Variants in SLC1A4 observed in about 807,000 individuals in gnomAD.
The protein encoded by SLC1A4 is neutral amino acid transporter A.
A neutral mutation model predicts 37.7 loss-of-function variants in SLC1A4; 19 were observed. The observed-to-expected ratio is 0.50, with a 90% confidence interval of 0.35 to 0.74. The LOEUF (loss-of-function observed/expected upper bound fraction) is 0.74, where lower values mean the gene tolerates loss of function less well. SLC1A4 is among the 30% of genes least tolerant of loss of function. SLC1A4 has a pLI of 0.01. For missense variants in SLC1A4, 570 were observed against 712.9 expected, an observed-to-expected ratio of 0.80 and a Z score of 2.28; for synonymous variants, 299 against 309.8, an observed-to-expected ratio of 0.97 and a Z score of 0.37.
rs1383977281 is a variant in SLC1A4, at chr2:65,022,073, T to C, written c.*927T>C. The C allele has an allele frequency of 2.0e-5, 3 of 152,288 alleles. No homozygotes were observed. The highest frequency in any genetic ancestry group is 6.5e-5 in the Admixed American group (1 of 15,292). 9.4% of individuals were successfully genotyped at this position (152,288 alleles called of 1,614,324 possible). On this transcript the variant is annotated 3_prime_UTR_variant, in exon 8 of 8. Transcript: ENST00000234256. ...GTAGTTATCACATTCAGGACCCTTG[T>C]TGATTTATCATCTATTATTTGAATT...
intron 3 of SLC1A4, among the ~76,000 whole-genome samples, chr2:65,007,329 G>C (rs139565529): frequency 6.7e-4 from 102 of 152,188 alleles, no homozygotes; most frequent in African/African-American, 2.2e-3. Context: ...TGGCCAGGGA[G>C]GTCTTCTGAT....
chr2:65,006,908 C>T (rs77800936), intron 3 of SLC1A4, among the ~76,000 whole-genome samples: 2,034 of 152,266 alleles, frequency 0.013, 21 homozygotes, highest in Non-Finnish European at 0.022. Flanking sequence ...CAGAGGGAGA[C>T]TTTGTCTCTA....
intron 2 of SLC1A4, 86 bp from the exon 3 acceptor site, chr2:65,003,866 AC>A (rs1361607362): frequency 2.0e-5 from 19 of 952,830 alleles, no homozygotes; most frequent in Non-Finnish European, 1.7e-6. Flanking sequence ...TGACAGAAGT[AC>A]CAAGAGTGCA....
At position 65,009,706 on chromosome 2, in the gene SLC1A4, A is replaced by G. The variant is rs59809625; in HGVS notation, c.634-891A>G. On this transcript the variant is annotated intron_variant, in intron 3 of 7. Transcript: ENST00000234256. ...GTGGGATAAAATGTTTGTCTAATAT[A>G]TGCTTGCAGTAAGGAGATTCAGCAT... 1.2e-3 allele frequency among the ~76,000 whole-genome samples: 180 copies of G among 152,384 alleles called. 4 individuals are homozygous for G. The East Asian group carries it at 0.031, about 26-fold the overall frequency.
In SLC1A4 at chr2:65,001,484, C is replaced by CCGTA; in HGVS notation, c.567_570dup (p.Ala192ValfsTer6). The CCGTA allele has an allele frequency of 6.2e-7, 1 of 1,613,712 alleles. No individual in the cohort carries two copies. Among genetic ancestry groups the CCGTA allele is most frequent in the Non-Finnish European group, 8.5e-7 (1 of 1,179,628 alleles). On this transcript the variant is annotated frameshift_variant, in exon 2 of 8. Transcript: ENST00000234256. LOFTEE classifies it high-confidence loss of function. The stretch of plus-strand genomic sequence containing the variant: ...CCTCCAATCTTGTGGTTGCAGCTTT[C>CCGTA]CGTACGGTAAGGCTTGATACTTTGC...
At position 65,016,483 on chromosome 2, in the gene SLC1A4, G is replaced by T; in HGVS notation, c.844G>T (p.Val282Leu). The T allele has an allele frequency of 6.2e-7, 1 of 1,614,214 alleles. No homozygotes were observed. The highest frequency in any genetic ancestry group is 1.3e-5 in the African/African-American group (1 of 75,054). Residue 282 changes from valine to leucine, a missense_variant, in exon 5 of 8, where the codon GTG becomes TTG. Coordinates refer to ENST00000234256, the MANE Select transcript of SLC1A4 (RefSeq NM_003038.5). ...GIMFLVGSKI[V>L]EMKDIIVLVT... Reference sequence around the variant, plus strand: ...CATGTTCCTTGTTGGAAGCAAGATCGTGGAAATGAAAGACATCATCGTGCT... The same window carrying T: ...CATGTTCCTTGTTGGAAGCAAGATCTTGGAAATGAAAGACATCATCGTGCT...
In SLC1A4 at chr2:65,001,465, A is replaced by G; in HGVS notation, c.545A>G (p.Asn182Ser). The change falls in exon 2 of 8, where the codon AAT (asparagine) becomes AGT (serine). Residue 182 changes from asparagine to serine, a missense_variant. Physicochemically the swap from Asn to Ser is conservative, Grantham distance 46. Coordinates refer to ENST00000234256, the MANE Select transcript of SLC1A4 (RefSeq NM_003038.5). ...TCCAACAGAAACCTGTTTCCCTCCA[A>G]TCTTGTGGTTGCAGCTTTCCGTACG... is the stretch of plus-strand genomic sequence containing the variant. ...LDLARNLFPS[N>S]LVVAAFRTYA... 3 of 1,614,016 alleles carry G rather than the reference A, an allele frequency of 1.9e-6. No homozygotes were observed. Among genetic ancestry groups the G allele is most frequent in the Non-Finnish European group, 2.5e-6 (3 of 1,179,904 alleles).
intron 1 of SLC1A4, 174 bp from the exon 2 acceptor site, chr2:65,001,274 C>A (rs570899848): frequency 3.3e-6 from 2 of 608,684 alleles, no homozygotes. Context: ...CCATGGCTCA[C>A]GCCTGTAGTC....
intron 4 of SLC1A4, among the ~76,000 whole-genome samples, chr2:65,015,541 T>TA (rs1674089629): frequency 2.0e-5 from 3 of 152,236 alleles, no homozygotes; most frequent in African/African-American, 7.2e-5. Context: ...CATCTACGTT[T>TA]TAATTTTTTG....
In SLC1A4 at chr2:64,989,615, A is replaced by G; in HGVS notation, c.-29A>G. On this transcript the variant is annotated 5_prime_UTR_variant, in exon 1 of 8. Transcript: ENST00000234256. ...TTTGCCAGAGCCCACGTCCCCTGCCACCTCTAGCTCGGAGCGGCGTGTAGC... is the reference window on the plus strand; with the variant it reads ...TTTGCCAGAGCCCACGTCCCCTGCCGCCTCTAGCTCGGAGCGGCGTGTAGC... 1 of 1,457,156 alleles carries G rather than the reference A, an allele frequency of 6.9e-7. No individual in the cohort carries two copies. Among genetic ancestry groups the G allele is most frequent in the Non-Finnish European group, 9.0e-7 (1 of 1,108,574 alleles). The allele number at this position is 1,457,156 out of a possible 1,614,324, so 90.3% of individuals were successfully genotyped here.
chr2:65,015,393 A>C (rs953410660), intron 4 of SLC1A4, among the ~76,000 whole-genome samples: 1 of 152,234 alleles, frequency 6.6e-6, no homozygotes. Flanking sequence ...AAAGATTTCA[A>C]AGATGTAATA....
At chr2:65,016,845 G>C (rs915250942) in intron 5 of SLC1A4, among the ~76,000 whole-genome samples, 172 bp downstream of exon 5, 1 of 152,088 alleles carries the variant, frequency 6.6e-6, no homozygotes, top group African/African-American at 2.4e-5. Context: ...GGATCTTCCC[G>C]TGATTGCCCA....
rs1163437406 is a variant in SLC1A4, at chr2:65,003,950, C to T, written c.571-3C>T. ...GTGGGTTTTTTTTTCCTCTTGATCA[C>T]AGTATGCAACCGATTATAAAGTCGT... On this transcript the variant is annotated splice_region_variant and splice_polypyrimidine_tract_variant and intron_variant, in intron 2 of 7. Transcript: ENST00000234256. The T allele has an allele frequency of 1.2e-6, 2 of 1,613,214 alleles. No homozygotes were observed.
chr2:65,007,270 TTGTGTGTGTG>T (rs57019332), intron 3 of SLC1A4, among the ~76,000 whole-genome samples: 1 of 149,360 alleles, frequency 6.7e-6, no homozygotes, highest in Non-Finnish European at 1.5e-5. Flanking sequence ...AAGAGTGTGT[TTGTGTGTGTG>T]TGTGTGTGTC....
chr2:65,018,022 C>T lies in SLC1A4; in HGVS notation c.1035-49C>T, dbSNP rs755073959. The T allele has an allele frequency of 6.5e-7, 1 of 1,542,954 alleles. No homozygotes were observed. ...GGTCTGAGACAAGACACATGTTAGCCTGCCTCGGACTGTTGTCATGTCTGG... is the reference window on the plus strand; with the variant it reads ...GGTCTGAGACAAGACACATGTTAGCTTGCCTCGGACTGTTGTCATGTCTGG... On this transcript the variant is annotated intron_variant, in intron 5 of 7. Transcript: ENST00000234256. This position sits in a 1 kb window ranked among gnomAD's most constrained non-coding sequence, Gnocchi z 4.3.
At chr2:64,997,569 T>C (rs1412232336) in intron 1 of SLC1A4, among the ~76,000 whole-genome samples, 1 of 152,228 alleles carries the variant, frequency 6.6e-6, no homozygotes, top group Non-Finnish European at 1.5e-5. Context: ...TCATTCAGTA[T>C]GCACTCTCCT....
intron 1 of SLC1A4, among the ~76,000 whole-genome samples, chr2:64,994,480 G>A (rs1185974149): frequency 1.3e-5 from 2 of 152,234 alleles, no homozygotes. Flanking sequence ...GCATAGTAGG[G>A]TGTGGCCATG....
chr2:65,001,836 A>G (rs994462214), intron 2 of SLC1A4, among the ~76,000 whole-genome samples: 5 of 152,198 alleles, frequency 3.3e-5, no homozygotes, highest in African/African-American at 1.2e-4. Flanking sequence ...TATAAAGATA[A>G]TATGTGCTCA....
intron 3 of SLC1A4, among the ~76,000 whole-genome samples, 162 bp from the exon 4 acceptor site, chr2:65,010,435 G>T (rs1230480821): frequency 6.6e-6 from 1 of 152,152 alleles, no homozygotes; most frequent in Non-Finnish European, 1.5e-5. Flanking sequence ...CTCCCCTTAA[G>T]TTTCCTACCC....
Sources: gnomAD v4.1 joint callset for allele counts (sites outside exome capture counted in the v4.1 genomes callset) on GRCh38, gnomAD v4.1.1 for gene constraint, Gnocchi (gnomAD v3.1) non-coding constraint, MANE v1.5 for transcripts, NCBI Gene and HGNC (gene_info 2026-07-23, HGNC 2026-07-21) for gene names.